BLMH: variants seen among roughly 807,000 people sequenced by gnomAD.
The protein encoded by BLMH is BLM hydrolase.
A neutral mutation model predicts 61.6 loss-of-function variants in BLMH; 32 were observed. The observed-to-expected ratio is 0.52, with a 90% CI of 0.39 to 0.70. The LOEUF is 0.70. Among genes scored for constraint, BLMH ranks in the 30% least tolerant of loss-of-function variants. The pLI is 0.00. For missense variants in BLMH, 460 were observed against 555.5 expected, an observed-to-expected ratio of 0.83 and a Z score of 1.73; for synonymous variants, 183 against 193.8, an observed-to-expected ratio of 0.94 and a Z score of 0.46.
intron 11 of BLMH, among the ~76,000 whole-genome samples, chr17:30,256,088 T>C (rs998518487): frequency 1.3e-5 from 2 of 152,168 alleles, no homozygotes; most frequent in Non-Finnish European, 2.9e-5. Context: ...GGTCTTACGA[T>C]GTTGCCCAGG....
At chr17:30,253,276 T>C (rs1205663424) in intron 11 of BLMH, among the ~76,000 whole-genome samples, 1 of 152,238 alleles carries the variant, frequency 6.6e-6, no homozygotes. Context: ...TAAGTACATC[T>C]ACACTATCTT....
At chr17:30,283,059 T>G (rs1567838600) in intron 6 of BLMH, among the ~76,000 whole-genome samples, 1 of 152,148 alleles carries the variant, frequency 6.6e-6, no homozygotes, top group Non-Finnish European at 1.5e-5. Flanking sequence ...TCCCAGCTAC[T>G]TGGGTGGCTG....
intron 11 of BLMH, among the ~76,000 whole-genome samples, chr17:30,258,104 A>G (rs1323166202): frequency 1.3e-5 from 2 of 152,094 alleles, no homozygotes; most frequent in South Asian, 4.2e-4. Context: ...GGTAGCTAAG[A>G]CTATAGGTGC....
intron 7 of BLMH, 163 bp downstream of exon 7, chr17:30,273,879 A>C: frequency 1.2e-6 from 1 of 834,636 alleles, no homozygotes; most frequent in African/African-American, 1.7e-5. Flanking sequence ...GGCACCACCA[A>C]CTTCATTAGC....
intron 11 of BLMH, chr17:30,252,042 C>T (rs1036392303): frequency 7.9e-5 from 12 of 152,042 alleles, no homozygotes; most frequent in African/African-American, 2.9e-4. Flanking sequence ...AGCTGAATTC[C>T]TGTATCTGCA....
intron 11 of BLMH, among the ~76,000 whole-genome samples, chr17:30,253,167 TAGAA>T (rs1301292515): frequency 6.6e-6 from 1 of 152,310 alleles, no homozygotes; most frequent in South Asian, 2.1e-4. Flanking sequence ...AGGTGAAGGA[TAGAA>T]GCAGATTCAT....
chr17:30,285,195 ATCCAAG>A (rs1451753828), intron 6 of BLMH, among the ~76,000 whole-genome samples, 187 bp downstream of exon 6: 1 of 152,236 alleles, frequency 6.6e-6, no homozygotes, highest in Admixed American at 6.5e-5. Flanking sequence ...GAATTAGAAA[ATCCAAG>A]TCCAAGTCCT....
At chr17:30,275,108 T>C (rs1908382974) in intron 6 of BLMH, among the ~76,000 whole-genome samples, 1 of 150,250 alleles carries the variant, frequency 6.7e-6, no homozygotes, top group African/African-American at 2.5e-5. Flanking sequence ...TCACAGCTAC[T>C]CAGGAGGCTG....
At chr17:30,288,186 G>C (rs1449046355) in intron 3 of BLMH, 1 of 366,550 alleles carries the variant, frequency 2.7e-6, no homozygotes, top group African/African-American at 2.1e-5. Flanking sequence ...ACCATAATAA[G>C]TATTTTTAAA....
intron 10 of BLMH, among the ~76,000 whole-genome samples, chr17:30,267,842 C>G (rs370998183): frequency 6.6e-6 from 1 of 152,188 alleles, no homozygotes; most frequent in Non-Finnish European, 1.5e-5. Context: ...CCTGTATTAT[C>G]GCCTAATGAT....
chr17:30,287,675 A>T, intron 4 of BLMH, 131 bp downstream of exon 4: 2 of 1,049,164 alleles, frequency 1.9e-6, no homozygotes, highest in Middle Eastern at 2.2e-4. Flanking sequence ...AAAGGTCCTT[A>T]GAAATAACTA....
intron 6 of BLMH, among the ~76,000 whole-genome samples, chr17:30,284,603 T>C (rs1340021197): frequency 6.6e-6 from 1 of 152,256 alleles, no homozygotes; most frequent in East Asian, 1.9e-4. Flanking sequence ...ATAAAGTTTC[T>C]TAACTGTCTT....
chr17:30,290,126 T>G (rs1908843937), intron 2 of BLMH, among the ~76,000 whole-genome samples: 3 of 152,246 alleles, frequency 2.0e-5, no homozygotes. Context: ...AAGTCACTAG[T>G]GCCTATTAGT....
chr17:30,284,318 AAAGT>A (rs1031268101), intron 6 of BLMH, among the ~76,000 whole-genome samples: 6 of 152,252 alleles, frequency 3.9e-5, no homozygotes, highest in African/African-American at 1.4e-4. Context: ...CCCAGGATAT[AAAGT>A]AATGAGAAGA....
intron 5 of BLMH, 72 bp from the exon 6 acceptor site, chr17:30,285,552 G>C (rs1048078987): frequency 4.1e-6 from 5 of 1,233,184 alleles, no homozygotes; most frequent in East Asian, 2.5e-5. Flanking sequence ...ATAGACCAAC[G>C]CAAGTTCTAT....
chr17:30,259,290 C>T (rs1267881525), intron 11 of BLMH, among the ~76,000 whole-genome samples: 5 of 152,174 alleles, frequency 3.3e-5, no homozygotes, highest in Admixed American at 6.5e-5. Context: ...AATAGGACAG[C>T]TGGGCTTGCA....
At chr17:30,259,070 G>GTCAC (rs1271917357) in intron 11 of BLMH, among the ~76,000 whole-genome samples, 1 of 152,164 alleles carries the variant, frequency 6.6e-6, no homozygotes, top group African/African-American at 2.4e-5. Context: ...CACAGTTCCA[G>GTCAC]TCACTGACCA....
chr17:30,255,873 G>A (rs1245249176), intron 11 of BLMH, among the ~76,000 whole-genome samples: 1 of 152,126 alleles, frequency 6.6e-6, no homozygotes, highest in Non-Finnish European at 1.5e-5. Flanking sequence ...CTCCAGCCTG[G>A]GCGACAGAGT....
intron 9 of BLMH, 142 bp downstream of exon 9, chr17:30,272,418 TC>T: frequency 1.1e-6 from 1 of 878,230 alleles, no homozygotes; most frequent in South Asian, 1.5e-5. Context: ...GTCCTCAAAC[TC>T]TAAAGGATGC....
Sources: allele counts gnomAD v4.1 joint callset (sites outside exome capture counted in the v4.1 genomes callset), GRCh38; gene constraint gnomAD v4.1.1; transcripts MANE v1.5; gene names NCBI Gene and HGNC (gene_info 2026-07-23, HGNC 2026-07-21).